TNS3: variants seen among roughly 807,000 people sequenced by gnomAD.
The protein encoded by TNS3 is tensin 3, also known as tensin-3.
Under a neutral mutation model 140.9 loss-of-function variants are expected in TNS3, and 45 were observed. That is an observed-to-expected ratio of 0.32 (90% CI 0.25 to 0.41). The LOEUF (loss-of-function observed/expected upper bound fraction) is 0.41. TNS3 is among the 10% of genes least tolerant of loss of function. The pLI is 1.00. For synonymous variants in TNS3, 815 were observed against 788.4 expected (o/e 1.03, Z -0.56); for missense variants, 1,716 against 1,906.7 (o/e 0.90, Z 1.86).
At chr7:47,318,228 G>A (rs540573626) in intron 20 of TNS3, among the ~76,000 whole-genome samples, 2 of 152,294 alleles carry the variant, frequency 1.3e-5, no homozygotes, top group East Asian at 3.9e-4. Context: ...CAATGTCCCT[G>A]AAGTTCTTCC....
chr7:47,357,729 A>G (rs929939724), intron 17 of TNS3, among the ~76,000 whole-genome samples: 10 of 146,982 alleles, frequency 6.8e-5, no homozygotes, highest in Admixed American at 6.7e-4. Flanking sequence ...GAGAACGGGT[A>G]GGCGCCGGCA....
At chr7:47,290,003 G>A (rs1003823477) in intron 27 of TNS3, among the ~76,000 whole-genome samples, 1 of 152,178 alleles carries the variant, frequency 6.6e-6, no homozygotes, top group African/African-American at 2.4e-5. Flanking sequence ...TTACTATAAA[G>A]CTAAAGCAAT....
At chr7:47,352,591 G>C (rs1789750585) in intron 17 of TNS3, among the ~76,000 whole-genome samples, 1 of 152,202 alleles carries the variant, frequency 6.6e-6, no homozygotes, top group Non-Finnish European at 1.5e-5. Context: ...AGGAAGCCAG[G>C]GCGCTGGCTG....
In TNS3 at chr7:47,557,808, A is replaced by G. The variant is rs970764969; in HGVS notation, c.-265+24243T>C. On this transcript the variant is annotated intron_variant, in intron 1 of 30. Coordinates refer to ENST00000311160, the MANE Select transcript of TNS3 (RefSeq NM_022748.12). ...CATTCCTAGAGCAAACTGTCCAACA[A>G]TGAATTATTCCACACCACATGCCAT... is the stretch of plus-strand genomic sequence containing the variant. Among the ~76,000 whole-genome samples, 5 of 152,294 alleles carry G rather than the reference A, an allele frequency of 3.3e-5. 1 individual carries two copies. The highest frequency in any genetic ancestry group is 1.2e-4 in the African/African-American group (5 of 41,566).
intron 2 of TNS3, among the ~76,000 whole-genome samples, chr7:47,513,771 G>T (rs1798685318): frequency 6.6e-6 from 1 of 152,202 alleles, no homozygotes; most frequent in African/African-American, 2.4e-5. Flanking sequence ...TTACCCTCCG[G>T]CGTCTGAGCT....
chr7:47,443,746 A>G (rs1795582849), intron 4 of TNS3, among the ~76,000 whole-genome samples: 1 of 152,088 alleles, frequency 6.6e-6, no homozygotes, highest in Non-Finnish European at 1.5e-5. Flanking sequence ...ACATGGTGAA[A>G]CCACGTCTCT....
At chr7:47,463,036 T>C (rs934677389) in intron 4 of TNS3, among the ~76,000 whole-genome samples, 3 of 152,174 alleles carry the variant, frequency 2.0e-5, no homozygotes, top group Non-Finnish European at 4.4e-5. Flanking sequence ...AGTAGTTGTG[T>C]TCTATAAAGT....
At chr7:47,454,889 C>T (rs531698672) in intron 4 of TNS3, among the ~76,000 whole-genome samples, 1 of 152,226 alleles carries the variant, frequency 6.6e-6, no homozygotes, top group East Asian at 1.9e-4. Flanking sequence ...CAGTCATCTC[C>T]GGAGTCTGAA....
chr7:47,439,708 C>T (rs769903770), intron 5 of TNS3, 50 bp from the exon 6 acceptor site: 2 of 1,586,132 alleles, frequency 1.3e-6, no homozygotes, highest in East Asian at 2.3e-5. Context: ...AGGCAGCAGA[C>T]ATTCATCCTC....
intron 16 of TNS3, among the ~76,000 whole-genome samples, chr7:47,387,971 A>G (rs1300307940): frequency 6.6e-6 from 1 of 152,236 alleles, no homozygotes; most frequent in Non-Finnish European, 1.5e-5. Context: ...CACAAGTGCA[A>G]TTGCAGGCTC....
At chr7:47,551,687 A>C (rs555382578) in intron 1 of TNS3, among the ~76,000 whole-genome samples, 3 of 152,384 alleles carry the variant, frequency 2.0e-5, no homozygotes, top group Admixed American at 6.5e-5. Context: ...GTAAGTGTCC[A>C]CAGACAGGAG....
At chr7:47,460,136 CTGAGAGGCGGAGCTTGCAG>C (rs1796422230) in intron 4 of TNS3, among the ~76,000 whole-genome samples, 1 of 150,036 alleles carries the variant, frequency 6.7e-6, no homozygotes, top group Admixed American at 6.7e-5. Context: ...TGGCGTGAAC[CTGAGAGGCGGAGCTTGCAG>C]TGAGCCGAGA....
intron 1 of TNS3, among the ~76,000 whole-genome samples, chr7:47,580,241 T>C (rs1784495454): frequency 6.6e-6 from 1 of 152,192 alleles, no homozygotes; most frequent in Non-Finnish European, 1.5e-5. Context: ...CAGGCTGCAC[T>C]ACCACCATGT....
At chr7:47,476,839 G>A (rs1435884948) in intron 4 of TNS3, among the ~76,000 whole-genome samples, 1 of 152,186 alleles carries the variant, frequency 6.6e-6, no homozygotes, top group Non-Finnish European at 1.5e-5. Context: ...CACAAAGGGA[G>A]GTTTGCCTCC....
chr7:47,556,347 C>A (rs1417274418), intron 1 of TNS3, among the ~76,000 whole-genome samples: 2 of 152,060 alleles, frequency 1.3e-5, no homozygotes, highest in Non-Finnish European at 2.9e-5. Context: ...ATTTAGAGTC[C>A]TCATCCTGAG....
At chr7:47,539,851 T>A (rs1176819685) in intron 1 of TNS3, among the ~76,000 whole-genome samples, 1 of 152,178 alleles carries the variant, frequency 6.6e-6, no homozygotes, top group Non-Finnish European at 1.5e-5. Context: ...TTTGCTGTAT[T>A]TCCACCACAT....
chr7:47,550,271 T>G (rs565294639), intron 1 of TNS3, among the ~76,000 whole-genome samples: 1 of 152,280 alleles, frequency 6.6e-6, no homozygotes, highest in African/African-American at 2.4e-5. Context: ...GAAATGGGAA[T>G]AGAAACACGG....
intron 28 of TNS3, among the ~76,000 whole-genome samples, chr7:47,280,707 A>G (rs556386282): frequency 2.6e-5 from 4 of 152,282 alleles, no homozygotes; most frequent in South Asian, 2.1e-4. Flanking sequence ...TGAGGTCAGG[A>G]GTTCAAGACC....
chr7:47,295,240 C>T (rs1421262170), intron 24 of TNS3, among the ~76,000 whole-genome samples: 1 of 152,168 alleles, frequency 6.6e-6, no homozygotes, highest in African/African-American at 2.4e-5. Context: ...GATGCACGCA[C>T]AGAGGTAAAA....
Sources: allele counts gnomAD v4.1 joint callset (sites outside exome capture counted in the v4.1 genomes callset), GRCh38; gene constraint gnomAD v4.1.1; transcripts MANE v1.5; gene names NCBI Gene and HGNC (gene_info 2026-07-23, HGNC 2026-07-21).